AGAP1: variants seen among roughly 807,000 people sequenced by gnomAD.
The protein encoded by AGAP1 is arf-GAP with GTPase, ANK repeat and PH domain-containing protein 1.
Under a neutral mutation model 105.3 loss-of-function variants are expected in AGAP1, and 29 were observed. That is an observed-to-expected ratio of 0.28 (90% confidence interval 0.21 to 0.38). The LOEUF (loss-of-function observed/expected upper bound fraction) is 0.38. AGAP1 is among the 10% of genes least tolerant of loss of function. AGAP1 has a pLI of 1.00. For missense variants in AGAP1, 998 were observed against 1,165.1 expected, an observed-to-expected ratio of 0.86 and a Z score of 2.09; for synonymous variants, 509 against 485.9, an observed-to-expected ratio of 1.05 and a Z score of -0.63.
intron 9 of AGAP1, 102 bp downstream of exon 9, chr2:235,807,433 C>T (rs1957893882): frequency 1.0e-6 from 1 of 1,000,518 alleles, no homozygotes; most frequent in Non-Finnish European, 1.4e-6. Flanking sequence ...CTGATGTGCT[C>T]TGTTGATGAA....
chr2:235,681,869 G>GA (rs1208385061), intron 1 of AGAP1, among the ~76,000 whole-genome samples: 29 of 30,430 alleles, frequency 9.5e-4, no homozygotes, highest in Admixed American at 4.0e-3. Flanking sequence ...TTTTTTTTTT[G>GA]ATACAGAGTC....
Position 236,082,576 on chromosome 2 carries a change from T to G in AGAP1, c.2114+33295T>G, listed in dbSNP as rs2058815248. 6.6e-6 allele frequency among the ~76,000 whole-genome samples: 1 copy of G among 152,330 alleles called. No homozygotes were observed. The highest frequency in any genetic ancestry group is 2.1e-4 in the South Asian group (1 of 4,824). The stretch of plus-strand genomic sequence containing the variant: ...TGGTGATTGGTTTACAAAATTCACC[T>G]AGTTAAAGAAAAGAGGGCCAGGTGC... On this transcript the variant is annotated intron_variant, in intron 16 of 17. Transcript: ENST00000304032. This position sits in a 1 kb window ranked among gnomAD's most constrained non-coding sequence, Gnocchi z 4.2.
At position 235,887,426 on chromosome 2, in the gene AGAP1, C is replaced by G. The variant is rs2050323821; in HGVS notation, c.1155+3977C>G. On this transcript the variant is annotated intron_variant, in intron 10 of 17. Transcript: ENST00000304032. The surrounding 1 kb of genome is among the most constrained non-coding windows in gnomAD (Gnocchi z 4.1). The stretch of plus-strand genomic sequence containing the variant: ...CTCCTCTGGGATTCAGGCCCATGTC[C>G]AGCCTCTGTAGACCTATATCAAGTC... Among the ~76,000 whole-genome samples, 1 of 152,212 alleles carries G rather than the reference C, an allele frequency of 6.6e-6. No individual in the cohort carries two copies. The highest frequency in any genetic ancestry group is 2.4e-5 in the African/African-American group (1 of 41,450).
chr2:235,834,440 G>A (rs753009748), intron 9 of AGAP1, among the ~76,000 whole-genome samples: 2 of 152,248 alleles, frequency 1.3e-5, no homozygotes, highest in Non-Finnish European at 2.9e-5. Context: ...TGCTTCCCCC[G>A]CTGCGTCCTG....
intron 1 of AGAP1, among the ~76,000 whole-genome samples, chr2:235,546,883 T>C (rs1353865796): frequency 6.6e-6 from 1 of 152,184 alleles, no homozygotes; most frequent in Non-Finnish European, 1.5e-5. Context: ...TTGAAGCATG[T>C]TAAAAGAAGG....
intron 12 of AGAP1, among the ~76,000 whole-genome samples, chr2:235,955,375 T>C (rs1223732504): frequency 6.6e-6 from 1 of 152,062 alleles, no homozygotes; most frequent in Non-Finnish European, 1.5e-5. Context: ...TGGACATCCT[T>C]ACACACCGTT....
chr2:236,094,336 T>C (rs1490836216), intron 16 of AGAP1, among the ~76,000 whole-genome samples: 8 of 150,802 alleles, frequency 5.3e-5, no homozygotes, highest in Admixed American at 5.3e-4. Flanking sequence ...CCATGGCCTA[T>C]GAAGTTGCCA....
Position 235,872,017 on chromosome 2 carries a change from T to C in AGAP1, c.1051-11328T>C, listed in dbSNP as rs1350500545. On this transcript the variant is annotated intron_variant, in intron 9 of 17. Transcript: ENST00000304032. This position sits in a 1 kb window ranked among gnomAD's most constrained non-coding sequence, Gnocchi z 4.5. ...CAGTCTGTTTCAGTGTCCTTATCCA[T>C]GAAATGAGAATCGTCGTGGATATCA... Among the ~76,000 whole-genome samples, 2 of 152,224 alleles carry C rather than the reference T, an allele frequency of 1.3e-5. No individual in the cohort carries two copies. Among genetic ancestry groups the C allele is most frequent in the African/African-American group, 4.8e-5 (2 of 41,460 alleles).
In AGAP1 at chr2:235,924,552, C is replaced by T. The variant is rs139863621; in HGVS notation, c.1325-6213C>T. ...ACCGGGTCCCATCTTCCCCTACTCGCGAGTTAGCAGGTTAGCCTGCCCTAG... is the reference window on the plus strand; with the variant it reads ...ACCGGGTCCCATCTTCCCCTACTCGTGAGTTAGCAGGTTAGCCTGCCCTAG... On this transcript the variant is annotated intron_variant, in intron 11 of 17. Coordinates refer to ENST00000304032, the MANE Select transcript of AGAP1 (RefSeq NM_001037131.3). Among the ~76,000 whole-genome samples, 113 of 152,298 alleles carry T rather than the reference C, an allele frequency of 7.4e-4. 1 individual carries two copies. The East Asian group carries it at 0.019, about 26-fold the overall frequency.
intron 9 of AGAP1, among the ~76,000 whole-genome samples, chr2:235,823,414 G>A (rs1958907590): frequency 6.6e-6 from 1 of 152,048 alleles, no homozygotes. Flanking sequence ...GGGACTATGG[G>A]TGCGAGCCAC....
intron 1 of AGAP1, among the ~76,000 whole-genome samples, chr2:235,654,883 G>T (rs1189277108): frequency 6.6e-6 from 1 of 152,182 alleles, no homozygotes; most frequent in Non-Finnish European, 1.5e-5. Context: ...TCTGGAGCAA[G>T]ATTAAACAAT....
In AGAP1 at chr2:236,058,721, G is replaced by C. The variant is rs2058110984; in HGVS notation, c.2114+9440G>C. 6.6e-6 allele frequency among the ~76,000 whole-genome samples: 1 copy of C among 152,190 alleles called. No individual in the cohort carries two copies. Among genetic ancestry groups the C allele is most frequent in the African/African-American group, 2.4e-5 (1 of 41,444 alleles). On this transcript the variant is annotated intron_variant, in intron 16 of 17. Coordinates refer to ENST00000304032, the MANE Select transcript of AGAP1 (RefSeq NM_001037131.3). The surrounding 1 kb of genome is among the most constrained non-coding windows in gnomAD (Gnocchi z 4.6). ...CATTATACTGGAGGTTCAAGCCAGGGAATTAGGCAAGAAGAAGAAACCAAA... is the reference window on the plus strand; with the variant it reads ...CATTATACTGGAGGTTCAAGCCAGGCAATTAGGCAAGAAGAAGAAACCAAA...
At chr2:235,774,465 C>A in intron 6 of AGAP1, 1 of 446,162 alleles carries the variant, frequency 2.2e-6, no homozygotes, top group Non-Finnish European at 4.7e-6. Context: ...TGGACTTGGG[C>A]AAGACCAGTA....
chr2:235,898,472 TC>T (rs34001914), intron 10 of AGAP1, among the ~76,000 whole-genome samples: 39,053 of 120,962 alleles, frequency 0.32, 4,934 homozygotes, highest in South Asian at 0.56. Flanking sequence ...GAGGACAGGT[TC>T]CCCCCCCCAC....
Position 236,124,378 on chromosome 2 carries a change from A to G in AGAP1, c.*256A>G. The stretch of plus-strand genomic sequence containing the variant: ...CCTAAACCACACACAGGAGAGAGCG[A>G]CGGGCCTCGGCCCTTTGATGATAGC... On this transcript the variant is annotated 3_prime_UTR_variant, in exon 18 of 18. Transcript: ENST00000304032. The surrounding 1 kb of genome is among the most constrained non-coding windows in gnomAD (Gnocchi z 5.1). The G allele has an allele frequency of 1.9e-6, 1 of 540,194 alleles. No homozygotes were observed. Among genetic ancestry groups the G allele is most frequent in the Non-Finnish European group, 3.3e-6 (1 of 299,292 alleles). 33.5% of individuals were successfully genotyped at this position (540,194 alleles called of 1,614,324 possible). A position where few individuals can be genotyped will look rare whatever the true frequency, so the allele number is the denominator to read the frequency against.
In AGAP1 at chr2:236,056,332, C is replaced by T. The variant is rs955880393; in HGVS notation, c.2114+7051C>T. The stretch of plus-strand genomic sequence containing the variant: ...TGGAGCCGGCTTTGCTACCGCAGAG[C>T]TGTCTAGGGTTGAAAATCCTTATCA... On this transcript the variant is annotated intron_variant, in intron 16 of 17. Transcript: ENST00000304032. This position sits in a 1 kb window ranked among gnomAD's most constrained non-coding sequence, Gnocchi z 4.6. Among the ~76,000 whole-genome samples, 2 of 152,154 alleles carry T rather than the reference C, an allele frequency of 1.3e-5. No homozygotes were observed. Among genetic ancestry groups the T allele is most frequent in the African/African-American group, 4.8e-5 (2 of 41,434 alleles).
At chr2:235,771,146 C>T (rs982980710) in intron 6 of AGAP1, among the ~76,000 whole-genome samples, 2 of 152,208 alleles carry the variant, frequency 1.3e-5, no homozygotes, top group Non-Finnish European at 2.9e-5. Flanking sequence ...AGCACCTTGT[C>T]AGCCAAGTGA....
At chr2:235,856,906 C>T (rs1345780468) in intron 9 of AGAP1, among the ~76,000 whole-genome samples, 2 of 152,228 alleles carry the variant, frequency 1.3e-5, no homozygotes, top group African/African-American at 2.4e-5. Flanking sequence ...TCCCACGCTG[C>T]GGTCCGGTTG....
chr2:235,776,569 G>T (rs1165306413), intron 6 of AGAP1, among the ~76,000 whole-genome samples: 1 of 152,204 alleles, frequency 6.6e-6, no homozygotes, highest in African/African-American at 2.4e-5. Context: ...TTGAAGGCCA[G>T]TGTGTAAGGC....
Sources: allele counts gnomAD v4.1 joint callset (sites outside exome capture counted in the v4.1 genomes callset), GRCh38; gene constraint gnomAD v4.1.1; non-coding constraint Gnocchi (gnomAD v3.1); transcripts MANE v1.5; gene names NCBI Gene and HGNC (gene_info 2026-07-23, HGNC 2026-07-21).